ZMYM6: variants seen among roughly 807,000 people sequenced by gnomAD.
The protein encoded by ZMYM6 is zinc finger MYM-type containing 6.
Under a neutral mutation model 134.0 loss-of-function variants are expected in ZMYM6, and 90 were observed. The observed-to-expected ratio is 0.67, with a 90% CI of 0.57 to 0.80. ZMYM6 has a LOEUF of 0.80. Among genes scored for constraint, ZMYM6 ranks in the 30% least tolerant of loss-of-function variants. The pLI, the probability that ZMYM6 is intolerant of heterozygous loss-of-function variation, is 0.00. For missense variants in ZMYM6, 1,362 were observed against 1,533.9 expected (o/e 0.89, Z 1.87); for synonymous variants, 481 against 524.1 (o/e 0.92, Z 1.12).
chr1:34,994,863 T>C (rs1380484188), intron 14 of ZMYM6, among the ~76,000 whole-genome samples: 1 of 151,024 alleles, frequency 6.6e-6, no homozygotes, highest in East Asian at 1.9e-4. Flanking sequence ...CCCCCAGTGG[T>C]TGCCTGAAAC....
intron 15 of ZMYM6, among the ~76,000 whole-genome samples, chr1:34,990,552 C>G (rs1640655942): frequency 6.6e-6 from 1 of 152,034 alleles, no homozygotes; most frequent in South Asian, 2.1e-4. Context: ...AGGATTTATC[C>G]TAAGGACATA....
Position 35,012,491 on chromosome 1 carries a change from C to A in ZMYM6, c.886G>T (p.Glu296Ter). The change falls in exon 7 of 16, where the codon GAG becomes TAG. Residue 296 changes from glutamate (E) to a stop codon, truncating the protein, a stop_gained. Transcript: ENST00000357182. LOFTEE classifies it high-confidence loss of function. Reference protein sequence around the residue: ...IETTNDSGKTELFCSINCLSA... With the variant: ...IETTNDSGKT ...AAGCAATTAATAGAGCAGAAAAGCT[C>A]TGTTTTTCCTGAATCATTTGTAGTC... is the stretch of plus-strand genomic sequence containing the variant. 6.2e-7 allele frequency: 1 copy of A among 1,612,958 alleles called. No individual in the cohort carries two copies. Among genetic ancestry groups the A allele is most frequent in the Non-Finnish European group, 8.5e-7 (1 of 1,179,588 alleles).
rs1641502393 is a variant in ZMYM6 at position 35,030,551 on chromosome 1, G to A, written c.89C>T (p.Ala30Val). The change falls in exon 2 of 16, where the codon GCT becomes GTT. Residue 30 changes from alanine (A) to valine (V), a missense_variant. Around this residue, in one of 3 missense-constraint regions of ZMYM6, gnomAD observed 503 missense variants for 520.8 expected, o/e 0.97. Transcript: ENST00000357182. ...LDKIKEEPDNAQEYGCVQQPK... is the reference protein window; with the variant it reads ...LDKIKEEPDNVQEYGCVQQPK... ...AAATGAAGATGAAATGCTTACTTGA[G>A]CATTGTCTGGTTCTTCTTTAATTTT... 3.1e-6 allele frequency: 5 copies of A among 1,607,560 alleles called. No individual in the cohort carries two copies. The highest frequency in any genetic ancestry group is 3.4e-6 in the Non-Finnish European group (4 of 1,178,816).
At chr1:35,000,683 G>A (rs951654524) in intron 14 of ZMYM6, among the ~76,000 whole-genome samples, 4 of 151,922 alleles carry the variant, frequency 2.6e-5, no homozygotes, top group African/African-American at 9.7e-5. Context: ...ACATGGATAG[G>A]TATTTTTTAA....
chr1:34,999,299 G>T (rs1006473688), intron 14 of ZMYM6, among the ~76,000 whole-genome samples: 1 of 152,168 alleles, frequency 6.6e-6, no homozygotes, highest in Non-Finnish European at 1.5e-5. Context: ...ATATTGACAA[G>T]AACAGTTTCA....
At chr1:35,024,232 A>G (rs1478135685) in intron 2 of ZMYM6, among the ~76,000 whole-genome samples, 2 of 152,236 alleles carry the variant, frequency 1.3e-5, no homozygotes, top group Admixed American at 6.5e-5. Context: ...AAATAGTGCT[A>G]TTTTAGAATA....
intron 4 of ZMYM6, among the ~76,000 whole-genome samples, chr1:35,015,743 A>AAAAAAAAAAAAAATATATATATATAT: frequency 2.8e-5 from 3 of 106,476 alleles, no homozygotes; most frequent in African/African-American, 2.0e-4. Flanking sequence ...AAAAAAAAAA[A>AAAAAAAAAAAAAATATATATATATAT]ATATATATAT....
chr1:35,004,523 C>T (rs1050820380), intron 13 of ZMYM6, among the ~76,000 whole-genome samples: 4 of 151,942 alleles, frequency 2.6e-5, no homozygotes, highest in Admixed American at 2.0e-4. Context: ...ACAGAAGAAT[C>T]GCTTGAACTC....
Position 35,007,030 on chromosome 1 carries a change from A to G in ZMYM6, c.1734T>C (p.Ile578=). 1.2e-6 allele frequency: 2 copies of G among 1,613,664 alleles called. No individual in the cohort carries two copies. The highest frequency in any genetic ancestry group is 1.7e-6 in the Non-Finnish European group (2 of 1,179,802). The change falls in exon 12 of 16, where the codon ATT becomes ATC. Residue 578 remains isoleucine (I), a synonymous_variant. Transcript: ENST00000357182. ...LSESIKWRGN[I]KHFCNLFCVL... ...CACAAAATAGGTTACAGAAATGTTT[A>G]ATGTTGCCTCGCCACTTTATGGACT...
At chr1:35,007,812 T>C (rs1444842629) in intron 11 of ZMYM6, among the ~76,000 whole-genome samples, 1 of 151,402 alleles carries the variant, frequency 6.6e-6, no homozygotes, top group African/African-American at 2.4e-5. Flanking sequence ...CAAGATTCTG[T>C]CTGGCTGGGG....
At chr1:35,007,541 T>C (rs1641006427) in intron 11 of ZMYM6, among the ~76,000 whole-genome samples, 2 of 151,646 alleles carry the variant, frequency 1.3e-5, no homozygotes, top group Non-Finnish European at 2.9e-5. Context: ...TGAGCCGAGA[T>C]CGCGTCACTG....
At chr1:35,008,576 C>T (rs1044465061) in intron 11 of ZMYM6, among the ~76,000 whole-genome samples, 176 bp downstream of exon 11, 2 of 152,168 alleles carry the variant, frequency 1.3e-5, no homozygotes, top group African/African-American at 4.8e-5. Context: ...AAATCCTATA[C>T]TTTTTATCCC....
chr1:35,005,324 C>T (rs769318448), intron 12 of ZMYM6, 52 bp from the exon 13 acceptor site: 3 of 1,573,582 alleles, frequency 1.9e-6, no homozygotes, highest in East Asian at 4.6e-5. Context: ...GTCTCTCTCT[C>T]ATACACACTC....
chr1:34,998,814 T>C (rs1640831380), intron 14 of ZMYM6, among the ~76,000 whole-genome samples: 1 of 152,170 alleles, frequency 6.6e-6, no homozygotes, highest in Admixed American at 6.5e-5. Context: ...AATCACCATC[T>C]AGGTGGTATT....
At chr1:35,018,396 A>C (rs1641244004) in intron 4 of ZMYM6, 1 of 152,104 alleles carries the variant, frequency 6.6e-6, no homozygotes, top group African/African-American at 2.4e-5. Flanking sequence ...GTTTAAGTCA[A>C]GACACAAAGC....
intron 11 of ZMYM6, 58 bp from the exon 12 acceptor site, chr1:35,007,156 C>T: frequency 6.6e-7 from 1 of 1,504,150 alleles, no homozygotes; most frequent in Middle Eastern, 1.8e-4. Context: ...GAAAAGATAA[C>T]ATTAATCATA....
chr1:34,987,529 T>C lies in ZMYM6; in HGVS notation c.3553A>G (p.Arg1185Gly). ...SSGLNMTDIT[R>G]IIFEHLEGLS... is the part of the protein sequence containing the mutation. ...CCTTCCAGGTGCTCAAAAATAATCC[T>C]TGTGATGTCTGTCATATTTAAGCCT... The change falls in exon 16 of 16, where the codon AGG (arginine) becomes GGG (glycine). Residue 1185 changes from arginine (R) to glycine (G), a missense_variant. Arg to Gly is a moderately radical substitution (Grantham distance 125, BLOSUM62 -2). Around this residue, in one of 3 missense-constraint regions of ZMYM6, gnomAD observed 824 missense variants for 940.9 expected, o/e 0.88. Coordinates refer to ENST00000357182, the MANE Select transcript of ZMYM6 (RefSeq NM_007167.4). 2.5e-6 allele frequency: 4 copies of C among 1,613,674 alleles called. No individual in the cohort carries two copies. Among genetic ancestry groups the C allele is most frequent in the Non-Finnish European group, 3.4e-6 (4 of 1,179,802 alleles).
intron 2 of ZMYM6, among the ~76,000 whole-genome samples, chr1:35,020,867 G>A (rs1557585475): frequency 6.6e-6 from 1 of 151,568 alleles, no homozygotes. Context: ...CACCACACCC[G>A]GCCCTATTCA....
chr1:35,030,850 T>C, intron 1 of ZMYM6, 137 bp from the exon 2 acceptor site: 1 of 536,526 alleles, frequency 1.9e-6, no homozygotes, highest in South Asian at 2.7e-5. Context: ...AACTTTTTTC[T>C]TTCTTCCTGC....
Sources: gnomAD v4.1 joint callset for allele counts (sites outside exome capture counted in the v4.1 genomes callset) on GRCh38, gnomAD v4.1.1 for gene constraint, gnomAD v4.1.1 regional missense constraint, MANE v1.5 for transcripts, NCBI Gene and HGNC (gene_info 2026-07-23, HGNC 2026-07-21) for gene names.